The following SUPT3H variants were observed in gnomAD, a reference collection of about 807,000 sequenced individuals.
SUPT3H encodes the protein transcription initiation protein SPT3 homolog.
In SUPT3H, 44 loss-of-function variants were observed where a neutral mutation model predicts 44.3. That is an observed-to-expected ratio of 0.99 (90% confidence interval 0.78 to 1.28). The LOEUF is 1.28. Among genes scored for constraint, SUPT3H ranks in the 50% most tolerant of loss-of-function variants. The pLI is 0.00. For synonymous variants in SUPT3H, 124 were observed against 125.6 expected, an observed-to-expected ratio of 0.99 and a Z score of 0.09; for missense variants, 380 against 387.1, an observed-to-expected ratio of 0.98 and a Z score of 0.15.
At chr6:45,105,564 A>G (rs1290449476) in intron 3 of SUPT3H, among the ~76,000 whole-genome samples, 1 of 152,168 alleles carries the variant, frequency 6.6e-6, no homozygotes, top group Non-Finnish European at 1.5e-5. Flanking sequence ...ACATACCTTA[A>G]TTTAAAAATA....
chr6:45,297,826 T>C (rs552083351), intron 2 of SUPT3H, among the ~76,000 whole-genome samples: 1 of 152,296 alleles, frequency 6.6e-6, no homozygotes, highest in Admixed American at 6.5e-5. Flanking sequence ...CCAGTATGTA[T>C]TTACTGAATG....
At chr6:45,242,089 T>C (rs1263645911) in intron 2 of SUPT3H, among the ~76,000 whole-genome samples, 1 of 152,214 alleles carries the variant, frequency 6.6e-6, no homozygotes, top group African/African-American at 2.4e-5. Flanking sequence ...CTTGACTTGG[T>C]CTTCTGCTGT....
chr6:45,137,641 G>A (rs1188627487), intron 2 of SUPT3H, among the ~76,000 whole-genome samples: 1 of 151,102 alleles, frequency 6.6e-6, no homozygotes, highest in Non-Finnish European at 1.5e-5. Flanking sequence ...GAACCACAAA[G>A]AAATAATAAT....
chr6:45,321,877 GT>G, intron 2 of SUPT3H: 1 of 1,578,244 alleles, frequency 6.3e-7, no homozygotes, highest in Non-Finnish European at 8.6e-7. Flanking sequence ...TATAGAATCT[GT>G]TTTCCCTATG....
chr6:45,106,525 C>T (rs747932852), intron 2 of SUPT3H, among the ~76,000 whole-genome samples: 5 of 151,968 alleles, frequency 3.3e-5, no homozygotes, highest in Non-Finnish European at 7.4e-5. Context: ...TTTCTGGATT[C>T]GTACAGTTTT....
chr6:44,852,305 A>G (rs1289166936), intron 10 of SUPT3H, among the ~76,000 whole-genome samples: 1 of 151,994 alleles, frequency 6.6e-6, no homozygotes, highest in Non-Finnish European at 1.5e-5. Flanking sequence ...CTAATTTTGC[A>G]TTATGCTTGG....
At chr6:44,884,964 T>A (rs569008422) in intron 10 of SUPT3H, among the ~76,000 whole-genome samples, 4 of 152,230 alleles carry the variant, frequency 2.6e-5, no homozygotes, top group Admixed American at 1.3e-4. Flanking sequence ...GGAGATTATA[T>A]CCTGCACCTG....
Position 45,002,475 on chromosome 6 carries a change from A to G in SUPT3H, c.504+1178T>C, listed in dbSNP as rs561886965. On this transcript the variant is annotated intron_variant, in intron 6 of 10. Coordinates refer to ENST00000371459, the MANE Select transcript of SUPT3H (RefSeq NM_003599.4). ...CTCAGTGGCCATTTTTATAATATAA[A>G]AATATTTAAAAAATAAAGCATAAAC... 3.9e-5 allele frequency among the ~76,000 whole-genome samples: 6 copies of G among 152,168 alleles called. No individual in the cohort carries two copies. In the South Asian group the frequency reaches 1.2e-3, roughly 32 times the overall value.
intron 9 of SUPT3H, among the ~76,000 whole-genome samples, chr6:44,951,528 G>A (rs1390349256): frequency 1.3e-5 from 2 of 152,072 alleles, no homozygotes; most frequent in African/African-American, 2.4e-5. Flanking sequence ...TCACAGGAGG[G>A]GAGGGGTGTC....
intron 2 of SUPT3H, among the ~76,000 whole-genome samples, chr6:45,330,252 A>G (rs533101007): frequency 6.6e-6 from 1 of 152,048 alleles, no homozygotes; most frequent in Admixed American, 6.6e-5. Context: ...TACTCTAAAA[A>G]CTTCTATATT....
intron 2 of SUPT3H, among the ~76,000 whole-genome samples, chr6:45,256,132 C>T (rs754408229): frequency 3.3e-5 from 5 of 152,180 alleles, no homozygotes; most frequent in Non-Finnish European, 7.3e-5. Flanking sequence ...GTTTGCACCA[C>T]TGCACTCCAG....
At chr6:45,088,449 G>A (rs1796742199) in intron 3 of SUPT3H, among the ~76,000 whole-genome samples, 1 of 151,926 alleles carries the variant, frequency 6.6e-6, no homozygotes, top group Non-Finnish European at 1.5e-5. Flanking sequence ...AAATAATGTA[G>A]ACCAGTGTTA....
At chr6:44,892,247 C>A (rs1359052449) in intron 10 of SUPT3H, among the ~76,000 whole-genome samples, 1 of 152,024 alleles carries the variant, frequency 6.6e-6, no homozygotes, top group Non-Finnish European at 1.5e-5. Context: ...TAAATGAGCT[C>A]ATATGGTTAG....
At chr6:45,233,641 C>T (rs1768496248) in intron 2 of SUPT3H, among the ~76,000 whole-genome samples, 2 of 152,230 alleles carry the variant, frequency 1.3e-5, no homozygotes, top group African/African-American at 4.8e-5. Context: ...TTCTTCTGTG[C>T]CGCAGATGTT....
At position 45,129,418 on chromosome 6, in the gene SUPT3H, A is replaced by T. The variant is rs1803056940; in HGVS notation, c.102-23412T>A. ...AAGATCTGGAATCAAGTCCTCGCAC[A>T]ACAAATTTCTAGTTATGTGGTCTCA... On this transcript the variant is annotated intron_variant, in intron 2 of 10. Transcript: ENST00000371459. Among the ~76,000 whole-genome samples the T allele has an allele frequency of 2.6e-5, 4 of 152,326 alleles. 1 individual carries two copies. The South Asian group carries it at 8.3e-4, about 32-fold the overall frequency.
intron 2 of SUPT3H, among the ~76,000 whole-genome samples, chr6:45,128,326 G>C (rs1802752229): frequency 6.6e-6 from 1 of 150,808 alleles, no homozygotes; most frequent in Non-Finnish European, 1.5e-5. Context: ...CCAACATGGT[G>C]AAACCCCGTC....
At chr6:44,840,949 ATGT>A (rs1770835468) in intron 10 of SUPT3H, among the ~76,000 whole-genome samples, 3 of 152,182 alleles carry the variant, frequency 2.0e-5, no homozygotes, top group African/African-American at 7.2e-5. Context: ...TTAAAACATG[ATGT>A]TGTCATCTAA....
At chr6:45,036,355 A>G (rs1246581894) in intron 3 of SUPT3H, among the ~76,000 whole-genome samples, 2 of 152,088 alleles carry the variant, frequency 1.3e-5, no homozygotes, top group Non-Finnish European at 2.9e-5. Context: ...AGGAAAGGGA[A>G]GGAGCTAACA....
At chr6:44,895,177 A>G (rs1763932960) in intron 10 of SUPT3H, among the ~76,000 whole-genome samples, 1 of 151,932 alleles carries the variant, frequency 6.6e-6, no homozygotes, top group South Asian at 2.1e-4. Context: ...TATTAAAGTC[A>G]GATGTATCAG....
Sources: allele counts gnomAD v4.1 joint callset (sites outside exome capture counted in the v4.1 genomes callset), GRCh38; gene constraint gnomAD v4.1.1; transcripts MANE v1.5; gene names NCBI Gene and HGNC (gene_info 2026-07-23, HGNC 2026-07-21).